The following MCC variants were observed in gnomAD, a reference collection of about 807,000 sequenced individuals.
MCC encodes the protein MCC regulator of Wnt signaling pathway, also known as colorectal mutant cancer protein.
A neutral mutation model predicts 116.2 loss-of-function variants in MCC; 90 were observed. The observed-to-expected ratio is 0.77, with a 90% CI of 0.65 to 0.92. The LOEUF (loss-of-function observed/expected upper bound fraction) is 0.92. MCC is among the 40% of genes least tolerant of loss of function. MCC has a pLI of 0.00. For synonymous variants in MCC, 578 were observed against 510.5 expected, an observed-to-expected ratio of 1.13 and a Z score of -1.78; for missense variants, 1,516 against 1,312.2, an observed-to-expected ratio of 1.16 and a Z score of -2.40.
chr5:113,433,413 TC>T (rs1770728141), intron 1 of MCC: 1 of 572,924 alleles, frequency 1.7e-6, no homozygotes, highest in Non-Finnish European at 3.3e-6. Context: ...CTGCTGCTCT[TC>T]CTGCTCTTGC....
chr5:113,443,473 T>C (rs977278372), intron 1 of MCC, among the ~76,000 whole-genome samples: 1 of 152,170 alleles, frequency 6.6e-6, no homozygotes, highest in Non-Finnish European at 1.5e-5. Context: ...CTTTTCCTAT[T>C]TGAATACCTT....
At position 113,385,093 on chromosome 5, in the gene MCC, C is replaced by T. The variant is rs199529790; in HGVS notation, c.290G>A (p.Arg97His). 1.2e-4 allele frequency: 199 copies of T among 1,614,166 alleles called. No individual in the cohort carries two copies. The highest frequency in any genetic ancestry group is 1.6e-4 in the Non-Finnish European group (188 of 1,180,022). ...KISFQDFTRC[R>H]MQLVREIRKE... is the part of the protein sequence containing the mutation. ...CCTAATTTCTCGAACAAGCTGCATG[C>T]GGCATCTTGTGAAATCCTGAAAGGA... Residue 97 changes from arginine to histidine, a missense_variant, in exon 2 of 19, where the codon CGC (arginine) becomes CAC (histidine). Arg to His is a conservative substitution (Grantham distance 29). Coordinates refer to ENST00000408903, the MANE Select transcript of MCC (RefSeq NM_001085377.2).
rs1750600903 is a variant in MCC at position 113,027,102 on chromosome 5, G to A, written c.*200C>T. ...GTTGTGGGCCCAGGAGGGAAGAGCG[G>A]GCACCTCTGGATACAGTCCACAATG... On this transcript the variant is annotated 3_prime_UTR_variant, in exon 19 of 19. Transcript: ENST00000408903. 1 of 575,258 alleles carries A rather than the reference G, an allele frequency of 1.7e-6. No individual in the cohort carries two copies. The highest frequency in any genetic ancestry group is 1.9e-5 in the African/African-American group (1 of 53,132). 35.6% of individuals were successfully genotyped at this position (575,258 alleles called of 1,614,324 possible). A position where few individuals can be genotyped will look rare whatever the true frequency, so the allele number is the denominator to read the frequency against.
intron 1 of MCC, among the ~76,000 whole-genome samples, chr5:113,473,255 G>T (rs1772142212): frequency 6.6e-6 from 1 of 152,050 alleles, no homozygotes; most frequent in Admixed American, 6.6e-5. Flanking sequence ...TGGGTGCAGG[G>T]GCTCACACCT....
Position 113,469,922 on chromosome 5 carries a change from T to G in MCC, c.170+18323A>C, listed in dbSNP as rs1772032903. On this transcript the variant is annotated intron_variant, in intron 1 of 18. Transcript: ENST00000408903. The stretch of plus-strand genomic sequence containing the variant: ...TAGCTCTTCTTGTTGAATTGATCCC[T>G]TTACCATTATGTAATGGCCTTCTTT... Among the ~76,000 whole-genome samples, 6 of 152,358 alleles carry G rather than the reference T, an allele frequency of 3.9e-5. No homozygotes were observed. In the South Asian group the frequency reaches 1.2e-3, roughly 32 times the overall value.
At chr5:113,275,393 T>C (rs1314349031) in intron 3 of MCC, among the ~76,000 whole-genome samples, 2 of 152,146 alleles carry the variant, frequency 1.3e-5, no homozygotes, top group Admixed American at 6.5e-5. Context: ...AGTAATAATT[T>C]TGTCATTATT....
chr5:113,240,893 G>A (rs1164993432), intron 3 of MCC, among the ~76,000 whole-genome samples: 4 of 152,186 alleles, frequency 2.6e-5, no homozygotes, highest in East Asian at 1.9e-4. Flanking sequence ...GGTACTAGGC[G>A]AGGAAGTTAT....
chr5:113,303,352 T>A (rs1398409693), intron 3 of MCC, among the ~76,000 whole-genome samples: 1 of 152,206 alleles, frequency 6.6e-6, no homozygotes, highest in African/African-American at 2.4e-5. Flanking sequence ...TCAGGTTGGA[T>A]AGAAATTACC....
chr5:113,384,347 G>C (rs1158735149), intron 2 of MCC, among the ~76,000 whole-genome samples: 1 of 152,298 alleles, frequency 6.6e-6, no homozygotes, highest in East Asian at 1.9e-4. Flanking sequence ...CCAGCACTTT[G>C]GGAGGCCAAG....
intron 11 of MCC, among the ~76,000 whole-genome samples, chr5:113,073,725 C>A (rs1754210099): frequency 6.6e-6 from 1 of 151,400 alleles, no homozygotes; most frequent in African/African-American, 2.4e-5. Context: ...GCCCTGACTA[C>A]CCACCGAAAA....
At chr5:113,292,205 A>G (rs183241412) in intron 3 of MCC, among the ~76,000 whole-genome samples, 35 of 152,228 alleles carry the variant, frequency 2.3e-4, no homozygotes, top group Admixed American at 1.7e-3. Context: ...GCACTCCAGC[A>G]TGGGTGACAG....
intron 1 of MCC, among the ~76,000 whole-genome samples, chr5:113,446,471 A>G (rs533052400): frequency 9.9e-5 from 15 of 152,204 alleles, no homozygotes; most frequent in Admixed American, 6.5e-4. Context: ...AAGACATATA[A>G]GTGGCTGATA....
chr5:113,043,592 G>T lies in MCC; in HGVS notation c.2694C>A (p.Ala898=), dbSNP rs2227948. 2.0e-5 allele frequency: 32 copies of T among 1,613,770 alleles called. No individual in the cohort carries two copies. The East Asian group carries it at 7.1e-4, about 36-fold the overall frequency. The change falls in exon 17 of 19, where the codon GCC becomes GCA. Residue 898 remains alanine, a synonymous_variant. Coordinates refer to ENST00000408903, the MANE Select transcript of MCC (RefSeq NM_001085377.2). ...TCTCGCTGCACGTTGTCCTGAGTTC[G>T]GCTAGGGACAGAGCTGGGGAGGCAG... ...ADAASPALSL[A]ELRTTCSENE... is the part of the protein sequence containing the mutation.
intron 3 of MCC, among the ~76,000 whole-genome samples, chr5:113,203,619 T>C (rs1192842834): frequency 1.3e-5 from 2 of 152,214 alleles, no homozygotes; most frequent in Non-Finnish European, 2.9e-5. Context: ...CTTCCAAAGT[T>C]TGTGGCTTTA....
At chr5:113,110,629 A>G (rs1757033405) in intron 6 of MCC, among the ~76,000 whole-genome samples, 1 of 152,302 alleles carries the variant, frequency 6.6e-6, no homozygotes, top group Non-Finnish European at 1.5e-5. Context: ...GGGGAGTGCT[A>G]AGTTCACGTA....
At chr5:113,294,348 G>A (rs752693418) in intron 3 of MCC, 4 of 1,613,810 alleles carry the variant, frequency 2.5e-6, no homozygotes. Flanking sequence ...CTCGGCCGAG[G>A]AGTCGTTTCC....
intron 3 of MCC, among the ~76,000 whole-genome samples, chr5:113,161,766 T>A (rs1385195850): frequency 6.6e-6 from 1 of 152,176 alleles, no homozygotes; most frequent in Admixed American, 6.5e-5. Context: ...GACTTCTAAT[T>A]AAAGTGTAAG....
At chr5:113,249,437 C>G (rs754073880) in intron 3 of MCC, among the ~76,000 whole-genome samples, 5 of 152,184 alleles carry the variant, frequency 3.3e-5, no homozygotes, top group South Asian at 2.1e-4. Flanking sequence ...AAGCTACATG[C>G]TACTCACTGT....
chr5:113,150,157 C>T (rs1759763663), intron 4 of MCC, among the ~76,000 whole-genome samples: 1 of 152,016 alleles, frequency 6.6e-6, no homozygotes, highest in South Asian at 2.1e-4. Context: ...AAGAAAAGGT[C>T]CAGATAAAAG....
Sources: allele counts gnomAD v4.1 joint callset (sites outside exome capture counted in the v4.1 genomes callset), GRCh38; gene constraint gnomAD v4.1.1; transcripts MANE v1.5; gene names NCBI Gene and HGNC (gene_info 2026-07-23, HGNC 2026-07-21).